Variants in PARD3 observed in about 807,000 individuals in gnomAD.
PARD3 encodes par-3 family cell polarity regulator.
PARD3 carries 75 observed loss-of-function variants against 155.4 expected under a neutral mutation model. That is an observed-to-expected ratio of 0.48 (90% confidence interval 0.40 to 0.58). The LOEUF (loss-of-function observed/expected upper bound fraction) is 0.58. Among genes scored for constraint, PARD3 ranks in the 20% least tolerant of loss-of-function variants. PARD3 has a pLI of 0.00. For synonymous variants in PARD3, 576 were observed against 610.5 expected (o/e 0.94, Z 0.83); for missense variants, 1,642 against 1,721.7 (o/e 0.95, Z 0.82).
At chr10:34,774,263 G>C (rs1839263133) in intron 1 of PARD3, among the ~76,000 whole-genome samples, 1 of 152,166 alleles carries the variant, frequency 6.6e-6, no homozygotes, top group Non-Finnish European at 1.5e-5. Flanking sequence ...TCTGGCCAAA[G>C]AACTCTCCAC....
chr10:34,590,163 G>A (rs2088533127), intron 2 of PARD3, among the ~76,000 whole-genome samples: 2 of 152,090 alleles, frequency 1.3e-5, no homozygotes, highest in East Asian at 3.9e-4. Flanking sequence ...CTGCAAATGG[G>A]CAGTGGAAGG....
chr10:34,428,683 G>A (rs2075748541), intron 5 of PARD3, among the ~76,000 whole-genome samples: 1 of 152,138 alleles, frequency 6.6e-6, no homozygotes, highest in Non-Finnish European at 1.5e-5. Context: ...CTGCCAATGG[G>A]ACAAAAGGGC....
At chr10:34,208,806 G>C (rs1302858528) in intron 22 of PARD3, among the ~76,000 whole-genome samples, 1 of 152,140 alleles carries the variant, frequency 6.6e-6, no homozygotes, top group Non-Finnish European at 1.5e-5. Context: ...AGCATTCTGA[G>C]TTCCTTTCAG....
chr10:34,417,846 C>T (rs1399327172), intron 5 of PARD3, among the ~76,000 whole-genome samples: 1 of 152,066 alleles, frequency 6.6e-6, no homozygotes, highest in Non-Finnish European at 1.5e-5. Context: ...GTAAAAATGA[C>T]CAATGACCCA....
At position 34,593,699 on chromosome 10, in the gene PARD3, CAG is replaced by C. The variant is rs373703563; in HGVS notation, c.223-76542_223-76541del. Among the ~76,000 whole-genome samples, 190 of 152,290 alleles carry C rather than the reference CAG, an allele frequency of 1.2e-3. 1 individual carries two copies. The highest frequency in any genetic ancestry group is 4.2e-3 in the African/African-American group (175 of 41,560). On this transcript the variant is annotated intron_variant, in intron 2 of 24. Transcript: ENST00000374788. ...AATGTTTTATCAGAGATTACCCAGACAGGGGAACAGAGAGCCTGCCATTTCAA... is the reference window on the plus strand; with the variant it reads ...AATGTTTTATCAGAGATTACCCAGACGGGAACAGAGAGCCTGCCATTTCAA...
At chr10:34,124,127 G>A (rs1195970234) in intron 23 of PARD3, among the ~76,000 whole-genome samples, 2 of 152,118 alleles carry the variant, frequency 1.3e-5, no homozygotes, top group Non-Finnish European at 2.9e-5. Context: ...GGATCACTTT[G>A]AGCAGATTTT....
At chr10:34,644,337 A>AT (rs2092769622) in intron 2 of PARD3, among the ~76,000 whole-genome samples, 1 of 152,184 alleles carries the variant, frequency 6.6e-6, no homozygotes, top group African/African-American at 2.4e-5. Flanking sequence ...TAAGCTTAAT[A>AT]TTTTAAAACT....
At chr10:34,443,614 A>G (rs1057055850) in intron 5 of PARD3, among the ~76,000 whole-genome samples, 1 of 152,100 alleles carries the variant, frequency 6.6e-6, no homozygotes, top group African/African-American at 2.4e-5. Flanking sequence ...GAGACTTACT[A>G]TCATGAGAAC....
chr10:34,382,489 G>A, intron 9 of PARD3, 51 bp downstream of exon 9: 1 of 1,568,450 alleles, frequency 6.4e-7, no homozygotes, highest in Middle Eastern at 2.3e-4. Flanking sequence ...ACCCTTGTGT[G>A]TTGCTGCTAA....
chr10:34,754,616 A>T lies in PARD3; in HGVS notation c.121-58197T>A, dbSNP rs191289523. 7.0e-4 allele frequency among the ~76,000 whole-genome samples: 106 copies of T among 152,360 alleles called. 1 individual carries two copies. Among genetic ancestry groups the T allele is most frequent in the African/African-American group, 2.5e-3 (103 of 41,582 alleles). ...ATAGATACAATTGTTAAAAGCCACT[A>T]ATTTTTAAATCAGGCAGATTTTCTT... is the stretch of plus-strand genomic sequence containing the variant. On this transcript the variant is annotated intron_variant, in intron 1 of 24. Coordinates refer to ENST00000374788, the MANE Select transcript of PARD3 (RefSeq NM_001184785.2).
chr10:34,428,421 C>A (rs1009424031), intron 5 of PARD3, among the ~76,000 whole-genome samples: 2 of 152,084 alleles, frequency 1.3e-5, no homozygotes, highest in Non-Finnish European at 2.9e-5. Context: ...GAGGCTGAGG[C>A]AGCAAGATCA....
rs1564534755 is a variant in PARD3 at position 34,269,666 on chromosome 10, G to A, written c.3410C>T (p.Pro1137Leu). ...TGCCCCTGGCGCCTACCTGTCTACA[G>A]GTGAGGGTTTGGAATTCCGCGGCTT... is the stretch of plus-strand genomic sequence containing the variant. Reference protein sequence around the residue: ...VKKPRNSKPSPVDSNRSTPSN... With the variant: ...VKKPRNSKPSLVDSNRSTPSN... The change falls in exon 22 of 25, where the codon CCT (proline) becomes CTT (leucine). Residue 1137 changes from proline (P) to leucine (L), a missense_variant. By Grantham distance (98) the Pro-to-Leu change is moderately conservative (BLOSUM62 -3). Around this residue, in one of 3 missense-constraint regions of PARD3, gnomAD observed 1,529 missense variants for 1,587.3 expected, o/e 0.96. Coordinates refer to ENST00000374788, the MANE Select transcript of PARD3 (RefSeq NM_001184785.2). 1.9e-5 allele frequency: 31 copies of A among 1,614,018 alleles called. No individual in the cohort carries two copies. The highest frequency in any genetic ancestry group is 2.6e-5 in the Non-Finnish European group (31 of 1,179,946).
intron 3 of PARD3, among the ~76,000 whole-genome samples, chr10:34,514,180 A>C (rs1264203904): frequency 6.6e-6 from 1 of 152,214 alleles, no homozygotes; most frequent in Non-Finnish European, 1.5e-5. Context: ...TTCTTTATGG[A>C]ATAAAGGGGA....
Position 34,777,003 on chromosome 10 carries a change from ATTTTTTT to A in PARD3, c.120+37866_120+37872del, listed in dbSNP as rs758917237. 5.7e-5 allele frequency among the ~76,000 whole-genome samples: 7 copies of A among 122,410 alleles called. No homozygotes were observed. In the South Asian group the frequency reaches 7.7e-4, roughly 13 times the overall value. 80.3% of individuals were successfully genotyped at this position (122,410 alleles called of 152,430 possible). On this transcript the variant is annotated intron_variant, in intron 1 of 24. Coordinates refer to ENST00000374788, the MANE Select transcript of PARD3 (RefSeq NM_001184785.2). ...AGGCATGTGCCACCATGTCTGGCTA[ATTTTTTT>A]TTTTTTTTTTTTTTGTATCTTTAGT... is the stretch of plus-strand genomic sequence containing the variant.
chr10:34,338,547 T>G (rs1836449452), intron 16 of PARD3, among the ~76,000 whole-genome samples: 1 of 152,190 alleles, frequency 6.6e-6, no homozygotes, highest in Admixed American at 6.5e-5. Context: ...CAGCTGAATT[T>G]ATGATAGTCT....
chr10:34,630,308 CAG>C (rs2092199407), intron 2 of PARD3, among the ~76,000 whole-genome samples: 1 of 152,206 alleles, frequency 6.6e-6, no homozygotes, highest in South Asian at 2.1e-4. Context: ...ACACCCTGCC[CAG>C]ATGTGGCAGA....
intron 5 of PARD3, among the ~76,000 whole-genome samples, chr10:34,425,772 C>A (rs948391841): frequency 6.6e-6 from 1 of 152,196 alleles, no homozygotes; most frequent in Non-Finnish European, 1.5e-5. Flanking sequence ...GGATTTTAAT[C>A]CCCTTCTAGT....
intron 5 of PARD3, among the ~76,000 whole-genome samples, chr10:34,413,706 T>C (rs565855318): frequency 4.6e-5 from 7 of 152,292 alleles, no homozygotes; most frequent in African/African-American, 1.7e-4. Flanking sequence ...TCATTTTGGC[T>C]CTGTTCTCTA....
At chr10:34,658,062 C>T (rs1046094932) in intron 2 of PARD3, among the ~76,000 whole-genome samples, 4 of 151,718 alleles carry the variant, frequency 2.6e-5, no homozygotes, top group African/African-American at 9.7e-5. Flanking sequence ...AGGAGAATGG[C>T]CTGAACCTGG....
Sources: allele counts gnomAD v4.1 joint callset (sites outside exome capture counted in the v4.1 genomes callset), GRCh38; gene constraint gnomAD v4.1.1; regional missense constraint gnomAD v4.1.1; transcripts MANE v1.5; gene names NCBI Gene and HGNC (gene_info 2026-07-23, HGNC 2026-07-21).